LARS2: variants seen among roughly 807,000 people sequenced by gnomAD.
LARS2 encodes leucine--tRNA ligase, mitochondrial.
Under a neutral mutation model 116.6 loss-of-function variants are expected in LARS2, and 81 were observed. The observed-to-expected ratio is 0.69, with a 90% CI of 0.58 to 0.84. The LOEUF is 0.84. LARS2 is among the 40% of genes least tolerant of loss of function. The pLI, the probability that LARS2 is intolerant of heterozygous loss-of-function variation, is 0.00. For synonymous variants in LARS2, 396 were observed against 407.2 expected, an observed-to-expected ratio of 0.97 and a Z score of 0.33; for missense variants, 968 against 1,114.5, an observed-to-expected ratio of 0.87 and a Z score of 1.87.
intron 8 of LARS2, among the ~76,000 whole-genome samples, chr3:45,464,725 G>A (rs1165509383): frequency 3.3e-5 from 5 of 152,032 alleles, no homozygotes; most frequent in South Asian, 2.1e-4. Context: ...GGGGAGGGGC[G>A]GCAGCACAAA....
At chr3:45,407,040 T>C (rs1698245156) in intron 4 of LARS2, among the ~76,000 whole-genome samples, 1 of 151,980 alleles carries the variant, frequency 6.6e-6, no homozygotes, top group Non-Finnish European at 1.5e-5. Context: ...CCTCACAGAG[T>C]TGGGCTTGGA....
chr3:45,489,808 G>C (rs770340906), intron 12 of LARS2, among the ~76,000 whole-genome samples: 9 of 152,110 alleles, frequency 5.9e-5, no homozygotes, highest in Non-Finnish European at 7.4e-5. Context: ...TGGTGGTGAG[G>C]GGGGCATGGA....
At position 45,524,328 on chromosome 3, in the gene LARS2, C is replaced by T. The variant is rs529962974; in HGVS notation, c.2404+220C>T. Among the ~76,000 whole-genome samples, 124 of 152,258 alleles carry T rather than the reference C, an allele frequency of 8.1e-4. 3 individuals carry two copies. The South Asian group carries it at 0.024, about 30-fold the overall frequency. Reference sequence around the variant, plus strand: ...ACACTTCCCTGCTTTGAATAATGTGCCCAGACTAATGTGGGTGTTGATGTT... The same window carrying T: ...ACACTTCCCTGCTTTGAATAATGTGTCCAGACTAATGTGGGTGTTGATGTT... On this transcript the variant is annotated intron_variant, in intron 20 of 21. Transcript: ENST00000645846.
At position 45,487,657 on chromosome 3, in the gene LARS2, C is replaced by T. The variant is rs143368488; in HGVS notation, c.1124-1040C>T. ...TTTGTTTGTCACAACTCAGGGAGTG[C>T]TATTGGTACAGTTCAACATCCTGCA... On this transcript the variant is annotated intron_variant, in intron 11 of 21. Coordinates refer to ENST00000645846, the MANE Select transcript of LARS2 (RefSeq NM_015340.4). Among the ~76,000 whole-genome samples, 72 of 152,122 alleles carry T rather than the reference C, an allele frequency of 4.7e-4. 1 individual carries two copies. In the East Asian group the frequency reaches 0.014, roughly 29 times the overall value.
intron 7 of LARS2, 70 bp from the exon 8 acceptor site, chr3:45,458,673 C>T (rs1279879946): frequency 1.8e-5 from 28 of 1,526,862 alleles, no homozygotes; most frequent in Admixed American, 8.5e-5. Context: ...GGCGACAGTG[C>T]GACACTCCCT....
At chr3:45,542,059 C>A (rs537125498) in intron 21 of LARS2, 103 bp downstream of exon 21, 3 of 1,421,508 alleles carry the variant, frequency 2.1e-6, no homozygotes, top group African/African-American at 1.4e-5. Context: ...GCCTTTCTAG[C>A]TCACTCAGCT....
intron 6 of LARS2, among the ~76,000 whole-genome samples, chr3:45,437,458 C>A (rs1039107035): frequency 6.6e-6 from 1 of 152,114 alleles, no homozygotes; most frequent in Non-Finnish European, 1.5e-5. Context: ...AGAGACAGAA[C>A]CTTGGCAAAG....
intron 6 of LARS2, among the ~76,000 whole-genome samples, chr3:45,443,003 C>T (rs1698939470): frequency 6.6e-6 from 1 of 152,170 alleles, no homozygotes; most frequent in Non-Finnish European, 1.5e-5. Flanking sequence ...AGCAGCATCC[C>T]TGGCCTCTAT....
rs774182380 is a variant in LARS2, at chr3:45,474,394, T to C, written c.858+44T>C. The C allele has an allele frequency of 3.8e-6, 5 of 1,305,484 alleles. No individual in the cohort carries two copies. The South Asian group carries it at 6.5e-5, about 17-fold the overall frequency. The allele number at this position is 1,305,484 out of a possible 1,614,324, so 80.9% of individuals were successfully genotyped here. ...CTCCAGCAATTCATGATCACAAATCTCCTCTACATTTGGGACTCACTGAGT... is the reference window on the plus strand; with the variant it reads ...CTCCAGCAATTCATGATCACAAATCCCCTCTACATTTGGGACTCACTGAGT... On this transcript the variant is annotated intron_variant, in intron 9 of 21. Transcript: ENST00000645846.
chr3:45,418,793 A>G (rs576142508), intron 5 of LARS2, among the ~76,000 whole-genome samples: 1 of 152,338 alleles, frequency 6.6e-6, no homozygotes, highest in Non-Finnish European at 1.5e-5. Context: ...GAGCCAGGCT[A>G]CCTAGGTGCA....
At chr3:45,452,279 A>G (rs1281795273) in intron 7 of LARS2, among the ~76,000 whole-genome samples, 5 of 152,136 alleles carry the variant, frequency 3.3e-5, no homozygotes, top group African/African-American at 1.2e-4. Flanking sequence ...CTTAGTGGAA[A>G]GGCTTTCAAT....
chr3:45,503,500 C>T (rs1700151908), intron 15 of LARS2, among the ~76,000 whole-genome samples: 1 of 151,954 alleles, frequency 6.6e-6, no homozygotes, highest in South Asian at 2.1e-4. Context: ...ATAGCTATGC[C>T]CAGGGTGGAA....
intron 8 of LARS2, among the ~76,000 whole-genome samples, chr3:45,467,930 C>T (rs1482671015): frequency 6.6e-6 from 1 of 151,944 alleles, no homozygotes; most frequent in Non-Finnish European, 1.5e-5. Flanking sequence ...ACAAGAAATA[C>T]AAAAATTAAC....
At chr3:45,420,898 A>G (rs1418051189) in intron 6 of LARS2, among the ~76,000 whole-genome samples, 1 of 152,194 alleles carries the variant, frequency 6.6e-6, no homozygotes, top group Non-Finnish European at 1.5e-5. Context: ...ACATACAGAA[A>G]AGTATAAAGA....
chr3:45,418,650 C>T (rs572109494), intron 5 of LARS2, among the ~76,000 whole-genome samples: 23 of 152,294 alleles, frequency 1.5e-4, no homozygotes, highest in South Asian at 1.5e-3. Flanking sequence ...TGTCTGCTTC[C>T]GTGAGACAGT....
At chr3:45,415,093 TGTGACTG>T (rs1220837011) in intron 4 of LARS2, among the ~76,000 whole-genome samples, 1 of 152,246 alleles carries the variant, frequency 6.6e-6, no homozygotes, top group Non-Finnish European at 1.5e-5. Context: ...CCAGCTCAGC[TGTGACTG>T]GCCACTCATT....
intron 20 of LARS2, among the ~76,000 whole-genome samples, chr3:45,529,179 T>C (rs750012256): frequency 5.3e-5 from 8 of 152,096 alleles, no homozygotes; most frequent in Non-Finnish European, 7.4e-5. Context: ...TACAACATCA[T>C]TTTTAATGGT....
rs1700398907 is a variant in LARS2, at chr3:45,518,056, A to G, written c.2198A>G (p.Asn733Ser). Residue 733 changes from asparagine to serine, a missense_variant, in exon 18 of 22, where the codon AAC (asparagine) becomes AGC (serine). By Grantham distance (46) the Asn-to-Ser change is conservative. Coordinates refer to ENST00000645846, the MANE Select transcript of LARS2 (RefSeq NM_015340.4). ...GCCAGGAAGCTCTGGGAGTACAAGA[A>G]CTCCGTCATCTCTCAGGTCAGAAAC... ...AEARKLWEYKNSVISQVTTHF... is the reference protein window; with the variant it reads ...AEARKLWEYKSSVISQVTTHF... 1 of 1,612,350 alleles carries G rather than the reference A, an allele frequency of 6.2e-7. No individual in the cohort carries two copies. The highest frequency in any genetic ancestry group is 1.3e-5 in the African/African-American group (1 of 74,678).
At chr3:45,526,050 T>G (rs1481990055) in intron 20 of LARS2, among the ~76,000 whole-genome samples, 1 of 152,240 alleles carries the variant, frequency 6.6e-6, no homozygotes. Flanking sequence ...TGAGCAAGAT[T>G]TTAAACGTAA....
Sources: allele counts gnomAD v4.1 joint callset (sites outside exome capture counted in the v4.1 genomes callset), GRCh38; gene constraint gnomAD v4.1.1; transcripts MANE v1.5; gene names NCBI Gene and HGNC (gene_info 2026-07-23, HGNC 2026-07-21).